LRP6: variants seen among roughly 807,000 people sequenced by gnomAD.
The protein encoded by LRP6 is LDL receptor related protein 6.
In LRP6, 43 loss-of-function variants were observed where a neutral mutation model predicts 184.1. The ratio of observed to expected loss-of-function variants is 0.23; its 90% CI spans 0.18 to 0.30. The LOEUF (loss-of-function observed/expected upper bound fraction) is 0.30, where lower values mean the gene tolerates loss of function less well. Ranked by LOEUF, LRP6 falls within the 10% of genes least tolerant of loss-of-function variation. LRP6 has a pLI of 1.00. For missense variants in LRP6, 1,571 were observed against 2,005.3 expected (o/e 0.78, Z 4.14); for synonymous variants, 719 against 684.9 (o/e 1.05, Z -0.78).
rs1445274755 is a variant in LRP6 at position 12,118,164 on chromosome 12, T to C, written c.*2962A>G. ...AGAAAGTGCCAAAGGCATAATAAAA[T>C]TTCATGGAAGAAAAATTAATAGTCA... On this transcript the variant is annotated 3_prime_UTR_variant, in exon 23 of 23. Transcript: ENST00000261349. 6.6e-6 allele frequency: 1 copy of C among 152,222 alleles called. No individual in the cohort carries two copies. The highest frequency in any genetic ancestry group is 1.5e-5 in the Non-Finnish European group (1 of 68,036). 9.4% of individuals were successfully genotyped at this position (152,222 alleles called of 1,614,324 possible).
intron 7 of LRP6, among the ~76,000 whole-genome samples, chr12:12,170,017 T>G (rs1171179943): frequency 6.6e-6 from 1 of 152,070 alleles, no homozygotes; most frequent in Non-Finnish European, 1.5e-5. Context: ...CATTTAAAAT[T>G]TTCTAGTAGT....
chr12:12,203,481 C>T, intron 2 of LRP6, 81 bp from the exon 3 acceptor site: 2 of 1,210,218 alleles, frequency 1.7e-6, no homozygotes, highest in Non-Finnish European at 2.4e-6. Flanking sequence ...TTAAAGAAAG[C>T]TCAGGCCGCG....
chr12:12,146,949 G>A (rs1591884900), intron 15 of LRP6, among the ~76,000 whole-genome samples: 2 of 152,154 alleles, frequency 1.3e-5, no homozygotes, highest in Admixed American at 6.5e-5. Flanking sequence ...TCAGGAGATC[G>A]AGACCATCCT....
intron 17 of LRP6, among the ~76,000 whole-genome samples, chr12:12,133,863 A>AG (rs1565540165): frequency 7.8e-5 from 2 of 25,492 alleles, no homozygotes; most frequent in African/African-American, 1.6e-4. Flanking sequence ...GGGGGGGGGG[A>AG]GGGTAAAGTA....
At chr12:12,169,732 TTC>T (rs1454212692) in intron 7 of LRP6, among the ~76,000 whole-genome samples, 3 of 152,232 alleles carry the variant, frequency 2.0e-5, no homozygotes, top group Admixed American at 6.5e-5. Flanking sequence ...CCATTCCTTG[TTC>T]TCTCACTCGA....
At chr12:12,208,654 A>T (rs1231987237) in intron 2 of LRP6, among the ~76,000 whole-genome samples, 1 of 152,164 alleles carries the variant, frequency 6.6e-6, no homozygotes, top group African/African-American at 2.4e-5. Context: ...ATTCTTTTTT[A>T]AATAAAGATG....
intron 1 of LRP6, among the ~76,000 whole-genome samples, chr12:12,245,591 T>C (rs942790165): frequency 5.3e-5 from 8 of 152,314 alleles, no homozygotes; most frequent in East Asian, 3.9e-4. Context: ...AATTATACCT[T>C]AATAAAACTG....
intron 2 of LRP6, among the ~76,000 whole-genome samples, chr12:12,232,764 C>CTCAG (rs1864825877): frequency 6.6e-6 from 1 of 151,974 alleles, no homozygotes; most frequent in South Asian, 2.1e-4. Flanking sequence ...AGAAGCAATC[C>CTCAG]TCAGTGCATG....
chr12:12,146,029 G>A (rs186788887), intron 15 of LRP6, among the ~76,000 whole-genome samples: 1 of 152,128 alleles, frequency 6.6e-6, no homozygotes, highest in Admixed American at 6.5e-5. Flanking sequence ...TAGATCTTAA[G>A]AATTTTTCTG....
chr12:12,139,859 T>G (rs1285469151), intron 15 of LRP6, among the ~76,000 whole-genome samples: 1 of 152,104 alleles, frequency 6.6e-6, no homozygotes, highest in African/African-American at 2.4e-5. Context: ...CCAGGGATAA[T>G]GACACAGTAG....
intron 2 of LRP6, among the ~76,000 whole-genome samples, chr12:12,225,946 A>G (rs934135816): frequency 6.6e-6 from 1 of 152,102 alleles, no homozygotes; most frequent in Non-Finnish European, 1.5e-5. Flanking sequence ...TTGTAAAGCT[A>G]TAGTACTGGT....
At chr12:12,150,047 G>A (rs1222380934) in intron 13 of LRP6, among the ~76,000 whole-genome samples, 2 of 152,012 alleles carry the variant, frequency 1.3e-5, no homozygotes, top group Non-Finnish European at 2.9e-5. Context: ...GTGAAAAACG[G>A]TACTCTAACT....
At chr12:12,264,834 A>G (rs1377876151) in intron 1 of LRP6, among the ~76,000 whole-genome samples, 1 of 152,226 alleles carries the variant, frequency 6.6e-6, no homozygotes, top group Non-Finnish European at 1.5e-5. Flanking sequence ...ATTTCGCCAC[A>G]TTTAAAACGA....
At position 12,165,289 on chromosome 12, in the gene LRP6, T is replaced by G; in HGVS notation, c.1552A>C (p.Asn518His). 1 of 1,608,772 alleles carries G rather than the reference T, an allele frequency of 6.2e-7. No homozygotes were observed. Among genetic ancestry groups the G allele is most frequent in the African/African-American group, 1.3e-5 (1 of 74,940 alleles). ...DAKTDKIEVM[N>H]TDGTGRRVLV... ...ACTCGTCTCCCAGTGCCATCAGTATTCATAACCTTCAGGTTTAAATTCAAA... is the reference window on the plus strand; with the variant it reads ...ACTCGTCTCCCAGTGCCATCAGTATGCATAACCTTCAGGTTTAAATTCAAA... Residue 518 changes from asparagine (N) to histidine (H), a missense_variant, in exon 8 of 23, where the codon AAT becomes CAT. Asn to His is a moderately conservative substitution (Grantham distance 68). Coordinates refer to ENST00000261349, the MANE Select transcript of LRP6 (RefSeq NM_002336.3).
intron 2 of LRP6, among the ~76,000 whole-genome samples, chr12:12,231,533 C>T (rs1054708328): frequency 2.6e-5 from 4 of 151,924 alleles, no homozygotes; most frequent in African/African-American, 9.7e-5. Flanking sequence ...ACAGAAACTC[C>T]CAACTTCAAA....
chr12:12,205,188 G>A (rs748237218), intron 2 of LRP6, among the ~76,000 whole-genome samples: 20 of 151,464 alleles, frequency 1.3e-4, no homozygotes, highest in Non-Finnish European at 2.7e-4. Flanking sequence ...AATCAGTCAG[G>A]TGCATGTAAC....
Position 12,203,401 on chromosome 12 carries a change from C to G in LRP6, c.450-1G>C. 6.2e-7 allele frequency: 1 copy of G among 1,607,090 alleles called. No individual in the cohort carries two copies. Among genetic ancestry groups the G allele is most frequent in the Non-Finnish European group, 8.5e-7 (1 of 1,173,664 alleles). On this transcript the variant is annotated splice_acceptor_variant, in intron 2 of 22. Transcript: ENST00000261349. LOFTEE classifies it high-confidence loss of function. ...TCCCCAGTCTGTCCAGTACATGAAC[C>G]TAAAAATCATAAAAATAATTAAAGC...
chr12:12,174,280 T>C (rs1382925583), intron 7 of LRP6, among the ~76,000 whole-genome samples: 1 of 152,076 alleles, frequency 6.6e-6, no homozygotes, highest in Admixed American at 6.6e-5. Flanking sequence ...TTTGGCTAAT[T>C]TTTGTATTTT....
chr12:12,232,408 G>A (rs1260262121), intron 2 of LRP6, among the ~76,000 whole-genome samples: 1 of 151,308 alleles, frequency 6.6e-6, no homozygotes, highest in Non-Finnish European at 1.5e-5. Context: ...AAATTTAAGT[G>A]GTCACTGGAA....
Sources: allele counts gnomAD v4.1 joint callset (sites outside exome capture counted in the v4.1 genomes callset), GRCh38; gene constraint gnomAD v4.1.1; transcripts MANE v1.5; gene names NCBI Gene and HGNC (gene_info 2026-07-23, HGNC 2026-07-21).